PLA2G4E: variants seen among roughly 807,000 people sequenced by gnomAD.
PLA2G4E encodes the protein cytosolic phospholipase A2 epsilon.
In PLA2G4E, 84 loss-of-function variants were observed where a neutral mutation model predicts 109.1. The observed-to-expected ratio is 0.77, with a 90% confidence interval of 0.65 to 0.92. The LOEUF (loss-of-function observed/expected upper bound fraction) is 0.92, where lower values mean the gene tolerates loss of function less well. Ranked by LOEUF, PLA2G4E falls within the 40% of genes least tolerant of loss-of-function variation. The pLI is 0.00. For synonymous variants in PLA2G4E, 469 were observed against 436.1 expected, an observed-to-expected ratio of 1.08 and a Z score of -0.94; for missense variants, 1,057 against 1,076.6, an observed-to-expected ratio of 0.98 and a Z score of 0.25.
In PLA2G4E at chr15:42,027,309, G is replaced by A. The variant is rs1271371527; in HGVS notation, c.184-13552C>T. Among the ~76,000 whole-genome samples, 4 of 152,208 alleles carry A rather than the reference G, an allele frequency of 2.6e-5. No homozygotes were observed. The East Asian group carries it at 7.7e-4, about 29-fold the overall frequency. Reference sequence around the variant, plus strand: ...AATGATTGCCTTTCTGCTGGGAGGGGATGGGGAAAGTTTTGTGGGTATAGG... The same window carrying A: ...AATGATTGCCTTTCTGCTGGGAGGGAATGGGGAAAGTTTTGTGGGTATAGG... On this transcript the variant is annotated intron_variant, in intron 1 of 19. Transcript: ENST00000399518.
intron 12 of PLA2G4E, among the ~76,000 whole-genome samples, chr15:41,994,360 G>C (rs925000833): frequency 6.6e-6 from 1 of 152,104 alleles, no homozygotes; most frequent in Admixed American, 6.6e-5. Context: ...ACATCCATTT[G>C]CTCACACGGG....
intron 1 of PLA2G4E, among the ~76,000 whole-genome samples, chr15:42,044,571 G>A (rs1222109678): frequency 6.9e-6 from 1 of 145,618 alleles, no homozygotes; most frequent in African/African-American, 2.5e-5. Flanking sequence ...ACTCACAGGT[G>A]AGAACTGAAC....
intron 5 of PLA2G4E, among the ~76,000 whole-genome samples, chr15:42,003,708 G>A (rs1434034820): frequency 2.6e-5 from 4 of 152,224 alleles, no homozygotes; most frequent in African/African-American, 9.7e-5. Context: ...CAGTTGACGA[G>A]CCCTCTTGTC....
At chr15:41,998,361 T>C (rs2068374515) in intron 10 of PLA2G4E, 1 of 152,244 alleles carries the variant, frequency 6.6e-6, no homozygotes, top group Non-Finnish European at 1.5e-5. Flanking sequence ...AGCTGACGTT[T>C]GCTGAGCATC....
At chr15:41,998,166 T>G (rs1484273073) in intron 10 of PLA2G4E, 1 of 152,270 alleles carries the variant, frequency 6.6e-6, no homozygotes, top group Non-Finnish European at 1.5e-5. Context: ...CTTGACCATT[T>G]CCAACTGAGC....
Position 41,992,974 on chromosome 15 carries a change from G to C in PLA2G4E, c.1248-15C>G. The C allele has an allele frequency of 1.3e-6, 2 of 1,599,822 alleles. No homozygotes were observed. Among genetic ancestry groups the C allele is most frequent in the Non-Finnish European group, 1.7e-6 (2 of 1,172,970 alleles). On this transcript the variant is annotated splice_polypyrimidine_tract_variant and intron_variant, in intron 12 of 19. Transcript: ENST00000399518. Reference sequence around the variant, plus strand: ...TAGCCATGGTCCTGGAAAGAGACAGGCACAGCTGATAGGGCTGACCCGGCC... The same window carrying C: ...TAGCCATGGTCCTGGAAAGAGACAGCCACAGCTGATAGGGCTGACCCGGCC...
At chr15:42,026,958 G>A (rs903007536) in intron 1 of PLA2G4E, among the ~76,000 whole-genome samples, 1 of 142,320 alleles carries the variant, frequency 7.0e-6, no homozygotes, top group African/African-American at 2.7e-5. Context: ...GGGCGACAGA[G>A]CAAGACTCTA....
intron 1 of PLA2G4E, among the ~76,000 whole-genome samples, chr15:42,040,217 C>A (rs1889292918): frequency 6.6e-6 from 1 of 151,056 alleles, no homozygotes; most frequent in African/African-American, 2.5e-5. Context: ...CACACACACA[C>A]CTACACACAC....
intron 1 of PLA2G4E, among the ~76,000 whole-genome samples, chr15:42,049,625 C>T (rs1267769843): frequency 2.0e-5 from 3 of 152,132 alleles, no homozygotes; most frequent in African/African-American, 7.2e-5. Flanking sequence ...CAGGATGGAC[C>T]CTCCAAGCCA....
intron 13 of PLA2G4E, 67 bp downstream of exon 13, chr15:41,992,670 C>G (rs1269993488): frequency 7.5e-7 from 1 of 1,339,632 alleles, no homozygotes; most frequent in Non-Finnish European, 1.0e-6. Flanking sequence ...CCTGACTCCC[C>G]TGAGGAAGAA....
intron 1 of PLA2G4E, among the ~76,000 whole-genome samples, chr15:42,016,807 T>C (rs138554170): frequency 6.6e-6 from 1 of 152,360 alleles, no homozygotes; most frequent in East Asian, 1.9e-4. Context: ...AGATCAACCC[T>C]GAAATATTGA....
At chr15:42,003,126 G>A (rs1307493801) in intron 5 of PLA2G4E, among the ~76,000 whole-genome samples, 1 of 152,198 alleles carries the variant, frequency 6.6e-6, no homozygotes, top group Admixed American at 6.5e-5. Context: ...GTCTGACCCA[G>A]CTGAGAGGGT....
At chr15:42,002,593 C>T (rs2068432688) in intron 6 of PLA2G4E, 61 bp downstream of exon 6, 2 of 1,495,088 alleles carry the variant, frequency 1.3e-6, no homozygotes, top group Admixed American at 2.0e-5. Flanking sequence ...TGGTCCTGTT[C>T]CCCTGAGAGC....
intron 9 of PLA2G4E, 103 bp downstream of exon 9, chr15:41,999,814 G>T: frequency 7.7e-7 from 1 of 1,293,398 alleles, no homozygotes; most frequent in Non-Finnish European, 1.1e-6. Context: ...AGACCCTCAC[G>T]AGTCACATTC....
At chr15:42,013,813 C>G (rs546409798) in intron 1 of PLA2G4E, 56 bp from the exon 2 acceptor site, 268,985 of 1,459,378 alleles carry the variant, frequency 0.18, 27,480 homozygotes, top group South Asian at 0.23. Flanking sequence ...AAGGCCATTG[C>G]CCCGGGGGAG....
At position 41,999,566 on chromosome 15, in the gene PLA2G4E, G is replaced by A; in HGVS notation, c.937-5C>T. 6.2e-7 allele frequency: 1 copy of A among 1,612,172 alleles called. No homozygotes were observed. ...GTGTAATTCATAACTCTCACCCTGG[G>A]GAGGGAAAGATGAAAAGCTTGTCAG... is the stretch of plus-strand genomic sequence containing the variant. On this transcript the variant is annotated splice_region_variant and splice_polypyrimidine_tract_variant and intron_variant, in intron 9 of 19. Coordinates refer to ENST00000399518, the Ensembl canonical transcript of PLA2G4E.
At position 42,031,569 on chromosome 15, in the gene PLA2G4E, A is replaced by G. The variant is rs564287899; in HGVS notation, c.184-17812T>C. On this transcript the variant is annotated intron_variant, in intron 1 of 19. Coordinates refer to ENST00000399518, the Ensembl canonical transcript of PLA2G4E. ...CATAGGCTTCCCTTTTCCCTCCTCC[A>G]TCCCACAGTCCTCTCCTGCCAAGCT... 3.3e-5 allele frequency among the ~76,000 whole-genome samples: 5 copies of G among 151,416 alleles called. No homozygotes were observed. In the East Asian group the frequency reaches 9.7e-4, roughly 29 times the overall value.
At chr15:41,985,811 A>G (rs1426060063) in intron 18 of PLA2G4E, 28 bp downstream of exon 18, 1 of 1,595,670 alleles carries the variant, frequency 6.3e-7, no homozygotes, top group Admixed American at 1.7e-5. Context: ...GCTGCAGCCC[A>G]TGCTCAGGAG....
intron 2 of PLA2G4E, among the ~76,000 whole-genome samples, chr15:42,011,890 A>G (rs1222209954): frequency 6.6e-6 from 1 of 152,196 alleles, no homozygotes; most frequent in Non-Finnish European, 1.5e-5. Flanking sequence ...TGGACAAGAA[A>G]GGCAAGAGAG....
Sources: gnomAD v4.1 joint callset for allele counts (sites outside exome capture counted in the v4.1 genomes callset) on GRCh38, gnomAD v4.1.1 for gene constraint, MANE v1.5 for transcripts, NCBI Gene and HGNC (gene_info 2026-07-23, HGNC 2026-07-21) for gene names.